KAZN: variants seen among roughly 807,000 people sequenced by gnomAD.
KAZN encodes kazrin, periplakin interacting protein.
In KAZN, 40 loss-of-function variants were observed where a neutral mutation model predicts 87.4. The observed-to-expected ratio is 0.46, with a 90% CI of 0.36 to 0.60. The LOEUF (loss-of-function observed/expected upper bound fraction) is 0.60, where lower values mean the gene tolerates loss of function less well. KAZN is among the 20% of genes least tolerant of loss of function. KAZN has a pLI of 0.00. For missense variants in KAZN, 898 were observed against 1,073.9 expected (o/e 0.84, Z 2.29); for synonymous variants, 466 against 458.3 (o/e 1.02, Z -0.22).
chr1:14,449,591 G>C (rs1384628056), intron 2 of KAZN, among the ~76,000 whole-genome samples: 1 of 152,214 alleles, frequency 6.6e-6, no homozygotes, highest in Admixed American at 6.5e-5. Flanking sequence ...GGAGGAGAGA[G>C]TAGTATAAAG....
At chr1:13,963,449 A>G (rs1444463248) in intron 1 of KAZN, among the ~76,000 whole-genome samples, 3 of 152,192 alleles carry the variant, frequency 2.0e-5, no homozygotes, top group African/African-American at 7.2e-5. Flanking sequence ...AGTTCCTCAC[A>G]TGGATAGTGA....
chr1:14,948,184 A>T (rs1662054810), intron 1 of KAZN, among the ~76,000 whole-genome samples: 1 of 152,240 alleles, frequency 6.6e-6, no homozygotes, highest in Non-Finnish European at 1.5e-5. Flanking sequence ...TACAAGGGAT[A>T]AAAAAGATGC....
intron 2 of KAZN, among the ~76,000 whole-genome samples, chr1:14,378,136 T>C (rs1449422241): frequency 1.3e-5 from 2 of 152,244 alleles, no homozygotes; most frequent in Non-Finnish European, 2.9e-5. Context: ...ACCAGTGAAC[T>C]AGGTCCCATA....
chr1:14,420,875 C>T (rs532392161), intron 2 of KAZN, among the ~76,000 whole-genome samples: 16 of 152,004 alleles, frequency 1.1e-4, no homozygotes, highest in African/African-American at 1.9e-4. Context: ...GGTTGCCGCC[C>T]GCACCTCTCC....
chr1:13,906,309 A>G (rs377047362), intron 1 of KAZN, among the ~76,000 whole-genome samples: 19 of 152,308 alleles, frequency 1.2e-4, no homozygotes, highest in Middle Eastern at 6.8e-3. Context: ...TGAGTCTACC[A>G]TACTAACTCC....
intron 2 of KAZN, among the ~76,000 whole-genome samples, chr1:14,559,292 G>A (rs1674107326): frequency 6.6e-6 from 1 of 152,164 alleles, no homozygotes; most frequent in South Asian, 2.1e-4. Flanking sequence ...CATGTTGAAT[G>A]AATAATTCAC....
chr1:14,388,192 C>A (rs2101077828), intron 2 of KAZN, among the ~76,000 whole-genome samples: 1 of 152,294 alleles, frequency 6.6e-6, no homozygotes, highest in African/African-American at 2.4e-5. Context: ...GTGCGAGCAC[C>A]CCCTGACCTG....
intron 1 of KAZN, among the ~76,000 whole-genome samples, chr1:14,739,650 C>T (rs1310920121): frequency 1.3e-5 from 2 of 151,834 alleles, no homozygotes; most frequent in South Asian, 2.1e-4. Flanking sequence ...GAAGTCTTCA[C>T]ACCACCAACT....
intron 2 of KAZN, among the ~76,000 whole-genome samples, chr1:15,025,402 T>C (rs1197599820): frequency 6.6e-6 from 1 of 152,196 alleles, no homozygotes; most frequent in Non-Finnish European, 1.5e-5. Flanking sequence ...TGCTGGTAAT[T>C]GGCACAGCGC....
intron 1 of KAZN, among the ~76,000 whole-genome samples, chr1:13,977,022 G>A (rs978979381): frequency 6.6e-6 from 1 of 152,142 alleles, no homozygotes; most frequent in South Asian, 2.1e-4. Context: ...GTTGAGCTGG[G>A]AACCCTCCTG....
At position 14,800,943 on chromosome 1, in the gene KAZN, C is replaced by T. The variant is rs116301332; in HGVS notation, c.227-159741C>T. 1.4e-3 allele frequency among the ~76,000 whole-genome samples: 210 copies of T among 151,288 alleles called. 2 individuals are homozygous for T. The highest frequency in any genetic ancestry group is 4.9e-3 in the African/African-American group (200 of 41,134). On this transcript the variant is annotated intron_variant, in intron 1 of 14. Coordinates refer to ENST00000376030, the MANE Select transcript of KAZN (RefSeq NM_201628.3). The stretch of plus-strand genomic sequence containing the variant: ...TTCTTTTGGGGCTGATAAAAATGTT[C>T]TGGAATTAGGTTACGGTGATAGTTG...
chr1:14,970,763 G>T (rs1020586469), intron 2 of KAZN, among the ~76,000 whole-genome samples: 2 of 152,180 alleles, frequency 1.3e-5, no homozygotes, highest in Non-Finnish European at 2.9e-5. Flanking sequence ...TGAGAACAAC[G>T]GAAAGGCTGG....
intron 2 of KAZN, among the ~76,000 whole-genome samples, chr1:14,308,681 C>T (rs1187502902): frequency 6.6e-6 from 1 of 152,130 alleles, no homozygotes; most frequent in Non-Finnish European, 1.5e-5. Context: ...TGTTTCCTTG[C>T]CTGCAAAATG....
At chr1:14,655,969 G>A (rs966394324) in intron 1 of KAZN, among the ~76,000 whole-genome samples, 1 of 152,128 alleles carries the variant, frequency 6.6e-6, no homozygotes, top group African/African-American at 2.4e-5. Context: ...AAGGCGTGCA[G>A]CTTATACAGC....
chr1:14,526,217 A>C (rs1485513198), intron 2 of KAZN, among the ~76,000 whole-genome samples: 1 of 152,014 alleles, frequency 6.6e-6, no homozygotes, highest in Non-Finnish European at 1.5e-5. Context: ...GGTACGATTG[A>C]CTCTTTAATT....
chr1:14,529,844 A>C (rs1021274197), intron 2 of KAZN, among the ~76,000 whole-genome samples: 3 of 152,206 alleles, frequency 2.0e-5, no homozygotes, highest in Non-Finnish European at 4.4e-5. Context: ...GCAGAAGGTT[A>C]AATATGATCA....
intron 1 of KAZN, among the ~76,000 whole-genome samples, chr1:14,846,906 G>A (rs185106388): frequency 3.9e-5 from 6 of 152,262 alleles, no homozygotes; most frequent in East Asian, 1.9e-4. Context: ...AGACCCACAC[G>A]TGAACCCGGG....
intron 1 of KAZN, among the ~76,000 whole-genome samples, chr1:14,651,726 G>C (rs1638392587): frequency 6.6e-6 from 1 of 152,192 alleles, no homozygotes; most frequent in Non-Finnish European, 1.5e-5. Flanking sequence ...CAGGGTCTAA[G>C]ATGAACCGTG....
Position 15,048,609 on chromosome 1 carries a change from TCG to T in KAZN, c.726+4452_726+4453del, listed in dbSNP as rs1228713719. On this transcript the variant is annotated intron_variant, in intron 4 of 14. Transcript: ENST00000376030. ...TTGGTCCTGGGTCGTCGGTCCTGGG[TCG>T]CTGGTCCTGGGTCGTCGGTCCTGGG... 2.7e-3 allele frequency among the ~76,000 whole-genome samples: 361 copies of T among 133,776 alleles called. 1 individual carries two copies. Among genetic ancestry groups the T allele is most frequent in the East Asian group, 0.02 (99 of 5,022 alleles). 87.8% of individuals were successfully genotyped at this position (133,776 alleles called of 152,430 possible). A position where few individuals can be genotyped will look rare whatever the true frequency, so the allele number is the denominator to read the frequency against.
Sources: allele counts gnomAD v4.1 joint callset (sites outside exome capture counted in the v4.1 genomes callset), GRCh38; gene constraint gnomAD v4.1.1; transcripts MANE v1.5; gene names NCBI Gene and HGNC (gene_info 2026-07-23, HGNC 2026-07-21).